Variants in HEMK2 observed in about 807,000 individuals in gnomAD.
HEMK2 encodes the protein HemK methyltransferase 2, ETF1 glutamine and histone H4 lysine.
the HEMK2 span, among the ~76,000 whole-genome samples, chr21:28,695,603 C>A: frequency 6.6e-6 from 1 of 152,026 alleles, no homozygotes; most frequent in Non-Finnish European, 1.5e-5. Context: ...ATGAGAACCG[C>A]CCCCATGATT....
chr21:28,584,178 C>A, the HEMK2 span, among the ~76,000 whole-genome samples: 2 of 152,168 alleles, frequency 1.3e-5, no homozygotes, highest in Admixed American at 6.5e-5. Context: ...CAAGGGAGTT[C>A]TTTTCTTACC....
At chr21:28,806,857 C>T in the HEMK2 span, among the ~76,000 whole-genome samples, 1 of 152,112 alleles carries the variant, frequency 6.6e-6, no homozygotes. Context: ...TGACCATGGC[C>T]TTACTAACCC....
the HEMK2 span, among the ~76,000 whole-genome samples, chr21:28,616,344 AAAC>A: frequency 2.0e-5 from 3 of 152,200 alleles, no homozygotes; most frequent in African/African-American, 7.2e-5. Context: ...CTTGCCATTG[AAAC>A]AATAAAAAAA....
chr21:28,653,128 C>T, the HEMK2 span, among the ~76,000 whole-genome samples: 1 of 152,108 alleles, frequency 6.6e-6, no homozygotes, highest in African/African-American at 2.4e-5. Flanking sequence ...TAGCCCTGCT[C>T]CACAAGGAGC....
At chr21:28,680,689 A>G in the HEMK2 span, among the ~76,000 whole-genome samples, 1 of 152,202 alleles carries the variant, frequency 6.6e-6, no homozygotes, top group African/African-American at 2.4e-5. Flanking sequence ...AGCACATCAA[A>G]AAGCTTAACC....
the HEMK2 span, among the ~76,000 whole-genome samples, chr21:28,607,629 A>C: frequency 0.71 from 108,246 of 151,990 alleles, 39,711 homozygotes; most frequent in East Asian, 0.93. Context: ...TCTGCCTTTG[A>C]GATTAAACTG....
chr21:28,591,938 A>G, the HEMK2 span, among the ~76,000 whole-genome samples: 1 of 152,110 alleles, frequency 6.6e-6, no homozygotes, highest in Non-Finnish European at 1.5e-5. Flanking sequence ...CATTTTCTTT[A>G]TCCAGTCTAC....
chr21:28,719,372 C>T, the HEMK2 span, among the ~76,000 whole-genome samples: 1 of 152,082 alleles, frequency 6.6e-6, no homozygotes, highest in African/African-American at 2.4e-5. Flanking sequence ...GGGGTGGTTT[C>T]CCCCATACTG....
the HEMK2 span, among the ~76,000 whole-genome samples, chr21:28,837,252 A>G: frequency 6.6e-6 from 1 of 152,244 alleles, no homozygotes; most frequent in Admixed American, 6.5e-5. Context: ...CATTCTATTC[A>G]ACAACACATA....
the HEMK2 span, among the ~76,000 whole-genome samples, chr21:28,762,766 T>C: frequency 2.0e-5 from 3 of 152,162 alleles, no homozygotes; most frequent in African/African-American, 7.2e-5. Flanking sequence ...TGATGCAGCA[T>C]GAAGGCCTTC....
At chr21:28,603,517 T>C in the HEMK2 span, among the ~76,000 whole-genome samples, 1 of 151,320 alleles carries the variant, frequency 6.6e-6, no homozygotes, top group Non-Finnish European at 1.5e-5. Context: ...AGAGTTTAAC[T>C]CTTCCACAGT....
the HEMK2 span, among the ~76,000 whole-genome samples, chr21:28,695,918 T>C: frequency 6.6e-6 from 1 of 151,778 alleles, no homozygotes; most frequent in Non-Finnish European, 1.5e-5. Context: ...ACAATGGGGG[T>C]TGTATCAGTC....
At chr21:28,685,576 G>A in the HEMK2 span, among the ~76,000 whole-genome samples, 4 of 152,184 alleles carry the variant, frequency 2.6e-5, no homozygotes, top group African/African-American at 9.7e-5. Context: ...AGCCAGTTTG[G>A]TTATGCACAC....
At chr21:28,841,269 A>T in the HEMK2 span, among the ~76,000 whole-genome samples, 1 of 4,644 alleles carries the variant, frequency 2.2e-4, no homozygotes, top group Non-Finnish European at 3.0e-4. Context: ...TATAATATAT[A>T]TTATATATTA....
chr21:28,592,121 G>A, the HEMK2 span, among the ~76,000 whole-genome samples: 1 of 152,072 alleles, frequency 6.6e-6, no homozygotes, highest in Admixed American at 6.6e-5. Context: ...TTGAAGAATC[G>A]CCACACTGTT....
At chr21:28,666,807 A>T in the HEMK2 span, among the ~76,000 whole-genome samples, 1 of 152,210 alleles carries the variant, frequency 6.6e-6, no homozygotes, top group Non-Finnish European at 1.5e-5. Context: ...TAGAAAATAT[A>T]GTCGTTAGTT....
the HEMK2 span, among the ~76,000 whole-genome samples, chr21:28,758,391 C>A: frequency 6.6e-6 from 1 of 152,066 alleles, no homozygotes; most frequent in Admixed American, 6.6e-5. Context: ...CAAATATGAT[C>A]ATAGCAAAGG....
chr21:28,842,684 G>A, the HEMK2 span, among the ~76,000 whole-genome samples: 1 of 152,112 alleles, frequency 6.6e-6, no homozygotes, highest in African/African-American at 2.4e-5. Flanking sequence ...GATAAATCTT[G>A]GCTAGTCTAA....
the HEMK2 span, among the ~76,000 whole-genome samples, chr21:28,683,246 A>G: frequency 6.6e-6 from 1 of 152,178 alleles, no homozygotes; most frequent in South Asian, 2.1e-4. Flanking sequence ...TGGCAAGCAT[A>G]AACACTGAGG....
Sources: allele counts gnomAD v4.1 joint callset (sites outside exome capture counted in the v4.1 genomes callset), GRCh38; gene constraint gnomAD v4.1.1; transcripts MANE v1.5; gene names NCBI Gene and HGNC (gene_info 2026-07-23, HGNC 2026-07-21).